KIFAP3: variants seen among roughly 807,000 people sequenced by gnomAD.
The protein encoded by KIFAP3 is kinesin-associated protein 3.
In KIFAP3, 68 loss-of-function variants were observed where a neutral mutation model predicts 106.5. That is an observed-to-expected ratio of 0.64 (90% CI 0.53 to 0.78). The LOEUF (loss-of-function observed/expected upper bound fraction) is 0.78, where lower values mean the gene tolerates loss of function less well. Ranked by LOEUF, KIFAP3 falls within the 30% of genes least tolerant of loss-of-function variation. The probability of loss-of-function intolerance (pLI) is 0.00; values close to 1 mark genes in which losing one functional copy is unlikely to be tolerated. For missense variants in KIFAP3, 780 were observed against 941.8 expected (o/e 0.83, Z 2.25); for synonymous variants, 320 against 311.5 (o/e 1.03, Z -0.29).
At chr1:170,009,658 G>C (rs986799064) in intron 10 of KIFAP3, among the ~76,000 whole-genome samples, 1 of 152,058 alleles carries the variant, frequency 6.6e-6, no homozygotes, top group Non-Finnish European at 1.5e-5. Context: ...AAAAAGCTAG[G>C]AAAATTTAAC....
At chr1:169,935,642 CTTATTCA>C (rs1381017971) in intron 19 of KIFAP3, among the ~76,000 whole-genome samples, 2 of 151,920 alleles carry the variant, frequency 1.3e-5, no homozygotes, top group Non-Finnish European at 2.9e-5. Context: ...AAATCTTTAG[CTTATTCA>C]AAGGGTGCAA....
chr1:169,924,365 A>G (rs1234041492), intron 19 of KIFAP3, among the ~76,000 whole-genome samples: 2 of 152,150 alleles, frequency 1.3e-5, no homozygotes, highest in Non-Finnish European at 2.9e-5. Flanking sequence ...AATTTTTCGA[A>G]TTTCTATATA....
chr1:170,063,116 G>A (rs187300053), intron 1 of KIFAP3, among the ~76,000 whole-genome samples: 2 of 152,098 alleles, frequency 1.3e-5, no homozygotes, highest in Admixed American at 6.6e-5. Flanking sequence ...AGAATTACGG[G>A]AGGGACCTAA....
chr1:170,065,327 T>C (rs1452277636), intron 1 of KIFAP3, among the ~76,000 whole-genome samples: 7 of 151,928 alleles, frequency 4.6e-5, no homozygotes, highest in Admixed American at 3.9e-4. Context: ...AAAAGAAATA[T>C]TGGTGGCCGG....
At chr1:170,024,825 T>C (rs1669027421) in intron 8 of KIFAP3, 1 of 346,072 alleles carries the variant, frequency 2.9e-6, no homozygotes, top group African/African-American at 2.1e-5. Context: ...TATAAAATAA[T>C]TCATACAATG....
chr1:170,018,368 G>C (rs1024233260), intron 9 of KIFAP3, among the ~76,000 whole-genome samples: 4 of 152,114 alleles, frequency 2.6e-5, no homozygotes, highest in African/African-American at 9.7e-5. Flanking sequence ...ATTGCATTAA[G>C]AGAACTTACT....
In KIFAP3 at chr1:170,055,297, G is replaced by T. The variant is rs769806707; in HGVS notation, c.164+8C>A. On this transcript the variant is annotated splice_region_variant and intron_variant, in intron 2 of 19. Transcript: ENST00000361580. The stretch of plus-strand genomic sequence containing the variant: ...TACTTTCAAAATGTGCACAAATAAA[G>T]AACTTACATTTTTTGACATTCTTTT... The T allele has an allele frequency of 6.3e-7, 1 of 1,592,148 alleles. No homozygotes were observed. The highest frequency in any genetic ancestry group is 8.5e-7 in the Non-Finnish European group (1 of 1,173,638).
chr1:169,947,514 A>G (rs1335568450), intron 19 of KIFAP3, among the ~76,000 whole-genome samples: 1 of 151,972 alleles, frequency 6.6e-6, no homozygotes, highest in Non-Finnish European at 1.5e-5. Context: ...TGTCAAGAAC[A>G]AAGTGTAAAT....
At chr1:170,003,420 T>A (rs560511719) in intron 10 of KIFAP3, among the ~76,000 whole-genome samples, 1 of 152,202 alleles carries the variant, frequency 6.6e-6, no homozygotes, top group Admixed American at 6.5e-5. Context: ...CTCCCGGCCG[T>A]GTGAGGTGTC....
chr1:169,987,885 A>C (rs1666911759), intron 11 of KIFAP3, among the ~76,000 whole-genome samples: 1 of 152,148 alleles, frequency 6.6e-6, no homozygotes, highest in Non-Finnish European at 1.5e-5. Flanking sequence ...GGTCTAAATA[A>C]CAATGAACTG....
chr1:169,927,166 A>T (rs1663184120), intron 19 of KIFAP3, among the ~76,000 whole-genome samples: 1 of 152,188 alleles, frequency 6.6e-6, no homozygotes, highest in Non-Finnish European at 1.5e-5. Flanking sequence ...CCATTTGCCC[A>T]TCCATCCACC....
Position 170,046,700 on chromosome 1 carries a change from T to C in KIFAP3, c.319+12A>G. 6.7e-7 allele frequency: 1 copy of C among 1,492,172 alleles called. No homozygotes were observed. Among genetic ancestry groups the C allele is most frequent in the Non-Finnish European group, 9.0e-7 (1 of 1,114,658 alleles). The allele number at this position is 1,492,172 out of a possible 1,614,324, so 92.4% of individuals were successfully genotyped here. A position where few individuals can be genotyped will look rare whatever the true frequency, so the allele number is the denominator to read the frequency against. ...GGATTTGCATTAGGAAGCCAGGAAT[T>C]CTACTACTTACCTTTTCCTGACAAT... On this transcript the variant is annotated intron_variant, in intron 3 of 19. Transcript: ENST00000361580.
intron 8 of KIFAP3, among the ~76,000 whole-genome samples, chr1:170,029,512 A>G (rs2102037135): frequency 6.6e-6 from 1 of 152,158 alleles, no homozygotes; most frequent in Middle Eastern, 3.4e-3. Context: ...GAAGTGCTTA[A>G]TGGGAAATTT....
At chr1:170,000,705 T>G (rs973247187) in intron 10 of KIFAP3, among the ~76,000 whole-genome samples, 2 of 152,160 alleles carry the variant, frequency 1.3e-5, no homozygotes, top group African/African-American at 2.4e-5. Flanking sequence ...AGCCTTAGTT[T>G]AAACTTGAAT....
In KIFAP3 at chr1:169,961,547, A is replaced by C. The variant is rs182438839; in HGVS notation, c.1984-312T>G. 2.0e-5 allele frequency among the ~76,000 whole-genome samples: 3 copies of C among 152,256 alleles called. No homozygotes were observed. The East Asian group carries it at 5.8e-4, about 29-fold the overall frequency. The stretch of plus-strand genomic sequence containing the variant: ...CGAGCAGTAAGACTTCAGTTTCCAA[A>C]GAGTTCTTGTGACTATAATTAAAGT... On this transcript the variant is annotated intron_variant, in intron 17 of 19. Coordinates refer to ENST00000361580, the MANE Select transcript of KIFAP3 (RefSeq NM_014970.4).
rs1669563233 is a variant in KIFAP3, at chr1:170,034,291, A to G, written c.742+81T>C. On this transcript the variant is annotated intron_variant, in intron 7 of 19. Coordinates refer to ENST00000361580, the MANE Select transcript of KIFAP3 (RefSeq NM_014970.4). The stretch of plus-strand genomic sequence containing the variant: ...TGTAATTAACAATTTTTAAAAAAGA[A>G]AAAAGAACAAAACCATCCCACCCAT... 5.9e-6 allele frequency: 8 copies of G among 1,358,696 alleles called. No individual in the cohort carries two copies. The Admixed American group carries it at 1.2e-4, about 20-fold the overall frequency. The allele number at this position is 1,358,696 out of a possible 1,614,324, so 84.2% of individuals were successfully genotyped here. A position where few individuals can be genotyped will look rare whatever the true frequency, so the allele number is the denominator to read the frequency against.
At chr1:170,050,695 T>C (rs570223635) in intron 2 of KIFAP3, among the ~76,000 whole-genome samples, 6 of 152,268 alleles carry the variant, frequency 3.9e-5, no homozygotes, top group Admixed American at 2.6e-4. Context: ...TATTCAACAA[T>C]TTTAAGGAAA....
chr1:170,058,298 A>G (rs979370116), intron 1 of KIFAP3, among the ~76,000 whole-genome samples: 2 of 152,230 alleles, frequency 1.3e-5, no homozygotes, highest in Admixed American at 6.5e-5. Flanking sequence ...ATAAAATTGT[A>G]TCAAATAATA....
In KIFAP3 at chr1:169,952,464, T is replaced by C. The variant is rs201869573; in HGVS notation, c.2273+1547A>G. ...TAAATATATGTAAACAGTTTACATA[T>C]ATATGTATAGGTAGATACATGTATA... On this transcript the variant is annotated intron_variant, in intron 19 of 19. Coordinates refer to ENST00000361580, the MANE Select transcript of KIFAP3 (RefSeq NM_014970.4). 1.3e-4 allele frequency among the ~76,000 whole-genome samples: 20 copies of C among 152,182 alleles called. No individual in the cohort carries two copies. The East Asian group carries it at 3.1e-3, about 23-fold the overall frequency.
Sources: allele counts gnomAD v4.1 joint callset (sites outside exome capture counted in the v4.1 genomes callset), GRCh38; gene constraint gnomAD v4.1.1; transcripts MANE v1.5; gene names NCBI Gene and HGNC (gene_info 2026-07-23, HGNC 2026-07-21).